The following FSIP1 variants were observed in gnomAD, a reference collection of about 807,000 sequenced individuals.
FSIP1 encodes the protein fibrous sheath-interacting protein 1.
A neutral mutation model predicts 60.9 loss-of-function variants in FSIP1; 65 were observed. The ratio of observed to expected loss-of-function variants is 1.07; its 90% CI spans 0.87 to 1.31. The LOEUF (loss-of-function observed/expected upper bound fraction) is 1.31. Among genes scored for constraint, FSIP1 ranks in the 40% most tolerant of loss-of-function variants. The pLI, the probability that FSIP1 is intolerant of heterozygous loss-of-function variation, is 0.00. For synonymous variants in FSIP1, 209 were observed against 221.2 expected (o/e 0.94, Z 0.49); for missense variants, 675 against 665.5 (o/e 1.01, Z -0.16).
Position 39,617,763 on chromosome 15 carries a change from T to C in FSIP1, c.1671A>G (p.Lys557=), listed in dbSNP as rs1319142738. ...CTATTGTATTCTCTGGAGAACTGAG[T>C]TTCAGATGTTGGTCTTCTGATGAAA... ...VSLSSEDQHL[K]LSSPENTIAD... is the part of the protein sequence containing the mutation. Residue 557 remains lysine, a synonymous_variant, in exon 11 of 12, where the codon AAA becomes AAG. Transcript: ENST00000350221. 6.2e-7 allele frequency: 1 copy of C among 1,613,580 alleles called. No individual in the cohort carries two copies. The highest frequency in any genetic ancestry group is 1.3e-5 in the African/African-American group (1 of 74,882).
At chr15:39,756,477 C>T (rs746604362) in intron 5 of FSIP1, among the ~76,000 whole-genome samples, 3 of 151,998 alleles carry the variant, frequency 2.0e-5, no homozygotes, top group Admixed American at 6.6e-5. Context: ...GCAATCCTCC[C>T]ACCTCAGCCT....
intron 7 of FSIP1, among the ~76,000 whole-genome samples, chr15:39,738,686 C>A (rs1475592757): frequency 6.7e-6 from 1 of 150,120 alleles, no homozygotes; most frequent in Non-Finnish European, 1.5e-5. Flanking sequence ...TTAGCAAGAA[C>A]CTGGATAAGG....
intron 10 of FSIP1, among the ~76,000 whole-genome samples, chr15:39,700,212 C>T (rs1448968048): frequency 1.3e-5 from 2 of 152,154 alleles, no homozygotes; most frequent in Admixed American, 6.6e-5. Context: ...TTCTGTAACA[C>T]CCACCCCCAT....
chr15:39,656,897 G>A (rs1893094155), intron 10 of FSIP1, among the ~76,000 whole-genome samples: 1 of 152,224 alleles, frequency 6.6e-6, no homozygotes, highest in African/African-American at 2.4e-5. Flanking sequence ...ATTTGCAGAG[G>A]AGGAAAAGTA....
intron 10 of FSIP1, among the ~76,000 whole-genome samples, chr15:39,701,126 T>C (rs1226782009): frequency 2.6e-5 from 4 of 152,202 alleles, no homozygotes; most frequent in Non-Finnish European, 5.9e-5. Context: ...CACTCCAGCC[T>C]GGGTGACAAA....
At chr15:39,752,021 A>C (rs1207362384) in intron 5 of FSIP1, among the ~76,000 whole-genome samples, 1 of 152,030 alleles carries the variant, frequency 6.6e-6, no homozygotes, top group Non-Finnish European at 1.5e-5. Context: ...CTCAATATTC[A>C]TTTTTAAAAT....
At chr15:39,737,974 AAAG>A in intron 8 of FSIP1, 114 bp downstream of exon 8, 1 of 612,826 alleles carries the variant, frequency 1.6e-6, no homozygotes, top group Non-Finnish European at 2.7e-6. Flanking sequence ...TTTTAAAATC[AAAG>A]AATAATGTCT....
intron 5 of FSIP1, among the ~76,000 whole-genome samples, chr15:39,761,877 G>A (rs1179795997): frequency 6.6e-6 from 1 of 151,946 alleles, no homozygotes; most frequent in Non-Finnish European, 1.5e-5. Context: ...TAAGTTAATG[G>A]CATAAAACAG....
At chr15:39,647,912 C>T (rs1892687904) in intron 10 of FSIP1, among the ~76,000 whole-genome samples, 1 of 151,426 alleles carries the variant, frequency 6.6e-6, no homozygotes, top group Non-Finnish European at 1.5e-5. Context: ...TATCACTACG[C>T]TTTGCCCTTT....
At chr15:39,717,104 G>A (rs541977645) in intron 9 of FSIP1, among the ~76,000 whole-genome samples, 112 of 152,106 alleles carry the variant, frequency 7.4e-4, no homozygotes, top group African/African-American at 2.6e-3. Flanking sequence ...GAGCCACCAC[G>A]CCAAAACAGG....
intron 10 of FSIP1, among the ~76,000 whole-genome samples, chr15:39,664,039 G>A (rs1053402637): frequency 3.3e-5 from 5 of 152,208 alleles, no homozygotes; most frequent in Admixed American, 2.6e-4. Context: ...GCAGAGAGCA[G>A]TACATCCCGC....
intron 3 of FSIP1, 37 bp from the exon 4 acceptor site, chr15:39,765,783 T>C (rs372632301): frequency 1.1e-5 from 13 of 1,159,218 alleles, no homozygotes; most frequent in African/African-American, 7.9e-5. Flanking sequence ...GTTTGAAGTA[T>C]AGTAAAACTA....
intron 10 of FSIP1, among the ~76,000 whole-genome samples, chr15:39,680,751 A>G (rs1444184629): frequency 6.6e-6 from 1 of 152,206 alleles, no homozygotes; most frequent in Non-Finnish European, 1.5e-5. Flanking sequence ...TCTATAAATA[A>G]CAATTATTAG....
chr15:39,731,912 C>A (rs1896418803), intron 8 of FSIP1, among the ~76,000 whole-genome samples: 1 of 152,200 alleles, frequency 6.6e-6, no homozygotes, highest in Non-Finnish European at 1.5e-5. Context: ...GAGTTCCCAA[C>A]ATAGATGAAA....
rs1245696948 is a variant in FSIP1 at position 39,600,370 on chromosome 15, G to A, written c.*510C>T. The A allele has an allele frequency of 6.6e-6, 1 of 152,208 alleles. No individual in the cohort carries two copies. Among genetic ancestry groups the A allele is most frequent in the East Asian group, 1.9e-4 (1 of 5,198 alleles). 9.4% of individuals were successfully genotyped at this position (152,208 alleles called of 1,614,324 possible). On this transcript the variant is annotated 3_prime_UTR_variant, in exon 12 of 12. Transcript: ENST00000350221. ...TTAAGAAACGTGTCATCACCAATAA[G>A]ATAGTAAAGGCTCTTCTAATATTGC...
At chr15:39,781,761 G>C (rs558709717) in intron 1 of FSIP1, among the ~76,000 whole-genome samples, 3 of 152,300 alleles carry the variant, frequency 2.0e-5, no homozygotes, top group Admixed American at 1.3e-4. Context: ...TTCTGGAATA[G>C]GCAAAATTAC....
At chr15:39,767,860 C>T (rs1457530374) in intron 3 of FSIP1, among the ~76,000 whole-genome samples, 1 of 152,182 alleles carries the variant, frequency 6.6e-6, no homozygotes. Context: ...TAAAACCTTG[C>T]ACTCATCCTC....
At chr15:39,691,254 G>C (rs968605158) in intron 10 of FSIP1, among the ~76,000 whole-genome samples, 2 of 152,000 alleles carry the variant, frequency 1.3e-5, no homozygotes, top group East Asian at 3.8e-4. Context: ...ATTTAGAAAA[G>C]AAAAGAAAAA....
intron 1 of FSIP1, among the ~76,000 whole-genome samples, chr15:39,777,474 A>C (rs1898102309): frequency 6.6e-6 from 1 of 152,200 alleles, no homozygotes; most frequent in Non-Finnish European, 1.5e-5. Flanking sequence ...CTATTTAACT[A>C]TTCTTCATGT....
Sources: allele counts gnomAD v4.1 joint callset (sites outside exome capture counted in the v4.1 genomes callset), GRCh38; gene constraint gnomAD v4.1.1; transcripts MANE v1.5; gene names NCBI Gene and HGNC (gene_info 2026-07-23, HGNC 2026-07-21).